Variants in SYBU observed in about 807,000 individuals in gnomAD.
SYBU encodes GOLSYN A protein.
Under a neutral mutation model 35.9 loss-of-function variants are expected in SYBU, and 21 were observed. The ratio of observed to expected loss-of-function variants is 0.58; its 90% confidence interval spans 0.41 to 0.84. The LOEUF is 0.84. Ranked by LOEUF, SYBU falls within the 40% of genes least tolerant of loss-of-function variation. The probability of loss-of-function intolerance (pLI) is 0.00; values close to 1 mark genes in which losing one functional copy is unlikely to be tolerated. For synonymous variants in SYBU, 319 were observed against 324.3 expected (o/e 0.98, Z 0.18); for missense variants, 768 against 848.2 (o/e 0.91, Z 1.17).
rs1476363074 is a variant in SYBU, at chr8:109,584,631, G to A, written c.530+1429C>T. Reference sequence around the variant, plus strand: ...TGGGGGCTGGGGATAGAGCAATTGTGCTTTATTACTGCGGACTTCACTCTT... The same window carrying A: ...TGGGGGCTGGGGATAGAGCAATTGTACTTTATTACTGCGGACTTCACTCTT... On this transcript the variant is annotated intron_variant, in intron 4 of 6. Transcript: ENST00000276646. This position sits in a 1 kb window ranked among gnomAD's most constrained non-coding sequence, Gnocchi z 4.0. Among the ~76,000 whole-genome samples, 1 of 152,100 alleles carries A rather than the reference G, an allele frequency of 6.6e-6. No individual in the cohort carries two copies. The highest frequency in any genetic ancestry group is 6.5e-5 in the Admixed American group (1 of 15,268).
intron 1 of SYBU, among the ~76,000 whole-genome samples, chr8:109,663,418 T>C (rs183165084): frequency 6.6e-6 from 1 of 152,238 alleles, no homozygotes; most frequent in African/African-American, 2.4e-5. Flanking sequence ...ATTTCCTAGG[T>C]AATATCTTTC....
chr8:109,645,358 T>A (rs990345888), upstream of SYBU: 5 of 456,482 alleles, frequency 1.1e-5, no homozygotes, highest in African/African-American at 1.0e-4. Context: ...AAGGCTGCGA[T>A]GGATTCTACT....
intron 1 of SYBU, among the ~76,000 whole-genome samples, chr8:109,651,982 C>CTCAT (rs553988140): frequency 2.8e-4 from 42 of 152,312 alleles, no homozygotes; most frequent in African/African-American, 3.4e-4. Flanking sequence ...ACACCTATCA[C>CTCAT]TCATTCATTC....
intron 1 of SYBU, among the ~76,000 whole-genome samples, chr8:109,665,214 G>A (rs933611273): frequency 2.0e-5 from 3 of 151,916 alleles, no homozygotes; most frequent in Admixed American, 6.6e-5. Context: ...ATATTATTTC[G>A]GTATGTAACA....
At chr8:109,617,132 T>C (rs912010995) in intron 3 of SYBU, among the ~76,000 whole-genome samples, 2 of 130,236 alleles carry the variant, frequency 1.5e-5, no homozygotes, top group Non-Finnish European at 3.0e-5. Context: ...AGAATCTGTC[T>C]CAAAAAAAAA....
intron 3 of SYBU, among the ~76,000 whole-genome samples, chr8:109,595,059 G>T (rs1354029551): frequency 2.0e-5 from 3 of 151,542 alleles, no homozygotes; most frequent in Non-Finnish European, 4.4e-5. Context: ...AAATAGTGCT[G>T]GCACTCAGTA....
intron 3 of SYBU, among the ~76,000 whole-genome samples, chr8:109,587,838 T>C (rs1823801905): frequency 1.3e-5 from 2 of 152,206 alleles, no homozygotes. Context: ...CAAGGTAGTT[T>C]ATCAGAACTG....
At chr8:109,620,693 C>T (rs998615748) in intron 2 of SYBU, among the ~76,000 whole-genome samples, 16 of 152,012 alleles carry the variant, frequency 1.1e-4, no homozygotes, top group African/African-American at 2.4e-4. Flanking sequence ...CTTTTAAATA[C>T]GTTGCGTTCT....
chr8:109,642,493 G>A (rs73319200), intron 2 of SYBU, among the ~76,000 whole-genome samples: 1,854 of 152,258 alleles, frequency 0.012, 19 homozygotes, highest in African/African-American at 0.042. Context: ...TTTTACATTC[G>A]AAATTATAAG....
chr8:109,621,983 T>C (rs998687230), intron 2 of SYBU, among the ~76,000 whole-genome samples: 3 of 152,166 alleles, frequency 2.0e-5, no homozygotes, highest in African/African-American at 4.8e-5. Flanking sequence ...TTACAAGTCT[T>C]ATTTAGGGCT....
chr8:109,691,443 T>G lies in SYBU; in HGVS notation c.-168A>C. ...GTGCCGGTGCGGACGGGACCCCGCG[T>G]CGCTGCTGGTTTGCGCTCAGGCCCG... On this transcript the variant is annotated 5_prime_UTR_variant, in exon 1 of 8. Coordinates refer to the SYBU transcript ENST00000422135. This position sits in a 1 kb window ranked among gnomAD's most constrained non-coding sequence, Gnocchi z 4.7. 1 of 660,754 alleles carries G rather than the reference T, an allele frequency of 1.5e-6. No individual in the cohort carries two copies. Among genetic ancestry groups the G allele is most frequent in the South Asian group, 1.6e-5 (1 of 63,370 alleles). The allele number at this position is 660,754 out of a possible 1,614,324, so 40.9% of individuals were successfully genotyped here.
chr8:109,588,022 C>T (rs566546147), intron 3 of SYBU, among the ~76,000 whole-genome samples: 42 of 152,308 alleles, frequency 2.8e-4, no homozygotes, highest in Admixed American at 3.9e-4. Context: ...AGATTCCTGA[C>T]GGCCTAACTC....
In SYBU at chr8:109,644,735, G is replaced by A; in HGVS notation, c.-76C>T. ...GAGGCACCTGCGAGCACGGAGCGAG[G>A]AGACTGCGCTGAGCCGGCGCGGGCT... On this transcript the variant is annotated 5_prime_UTR_variant, in exon 1 of 7. Coordinates refer to ENST00000276646, the MANE Select transcript of SYBU (RefSeq NM_001099754.2). 1 of 1,362,568 alleles carries A rather than the reference G, an allele frequency of 7.3e-7. No individual in the cohort carries two copies. Among genetic ancestry groups the A allele is most frequent in the Non-Finnish European group, 9.5e-7 (1 of 1,057,392 alleles). The allele number at this position is 1,362,568 out of a possible 1,614,324, so 84.4% of individuals were successfully genotyped here.
chr8:109,634,185 T>C (rs1813953481), intron 2 of SYBU, among the ~76,000 whole-genome samples: 1 of 152,180 alleles, frequency 6.6e-6, no homozygotes. Flanking sequence ...GTGATCTCTC[T>C]TTTTGCCATT....
At chr8:109,593,760 A>T (rs575455254) in intron 3 of SYBU, among the ~76,000 whole-genome samples, 1 of 152,320 alleles carries the variant, frequency 6.6e-6, no homozygotes, top group South Asian at 2.1e-4. Context: ...AACTACACAC[A>T]GGCATTCATC....
intron 1 of SYBU, among the ~76,000 whole-genome samples, chr8:109,672,685 G>A (rs1009370441): frequency 3.9e-5 from 6 of 152,144 alleles, no homozygotes; most frequent in East Asian, 1.9e-4. Context: ...AGACAGAACC[G>A]TTCCCTCCCC....
At chr8:109,582,450 C>CT (rs1268376994) in intron 4 of SYBU, among the ~76,000 whole-genome samples, 1 of 152,196 alleles carries the variant, frequency 6.6e-6, no homozygotes, top group African/African-American at 2.4e-5. Flanking sequence ...CTCTTCAGCC[C>CT]ATCCCAGATC....
intron 3 of SYBU, among the ~76,000 whole-genome samples, chr8:109,605,467 C>T (rs779302435): frequency 2.6e-5 from 4 of 152,152 alleles, no homozygotes; most frequent in Admixed American, 1.3e-4. Flanking sequence ...AATGCTACCC[C>T]CCTGCTCCTT....
upstream of SYBU, chr8:109,647,848 AG>A (rs1309311548): frequency 2.0e-5 from 3 of 152,238 alleles, no homozygotes; most frequent in East Asian, 5.8e-4. Context: ...GCAACCTAGC[AG>A]AGGGAAAGGC....
Sources: gnomAD v4.1 joint callset for allele counts (sites outside exome capture counted in the v4.1 genomes callset) on GRCh38, gnomAD v4.1.1 for gene constraint, Gnocchi (gnomAD v3.1) non-coding constraint, MANE v1.5 for transcripts, NCBI Gene and HGNC (gene_info 2026-07-23, HGNC 2026-07-21) for gene names.